Variants in SMYD3 observed in about 807,000 individuals in gnomAD.
SMYD3 encodes SET and MYND domain containing 3.
Under a neutral mutation model 57.7 loss-of-function variants are expected in SMYD3, and 36 were observed. The ratio of observed to expected loss-of-function variants is 0.62; its 90% CI spans 0.48 to 0.82. SMYD3 has a LOEUF of 0.82. Among genes scored for constraint, SMYD3 ranks in the 40% least tolerant of loss-of-function variants. The pLI is 0.00. For synonymous variants in SMYD3, 211 were observed against 195.0 expected, an observed-to-expected ratio of 1.08 and a Z score of -0.68; for missense variants, 515 against 538.8, an observed-to-expected ratio of 0.96 and a Z score of 0.44.
At chr1:246,298,430 T>C (rs2064834470) in intron 5 of SMYD3, among the ~76,000 whole-genome samples, 1 of 152,072 alleles carries the variant, frequency 6.6e-6, no homozygotes, top group South Asian at 2.1e-4. Flanking sequence ...TCAAAGTACA[T>C]GAATGTAAAA....
intron 5 of SMYD3, among the ~76,000 whole-genome samples, chr1:246,313,056 A>G (rs2065104825): frequency 6.6e-6 from 1 of 151,996 alleles, no homozygotes; most frequent in African/African-American, 2.4e-5. Flanking sequence ...CTGGGACCAC[A>G]GGCATGAGCC....
intron 5 of SMYD3, among the ~76,000 whole-genome samples, chr1:246,163,474 C>T (rs940239356): frequency 7.9e-5 from 12 of 152,186 alleles, no homozygotes; most frequent in Non-Finnish European, 1.5e-5. Flanking sequence ...TACCTGCATT[C>T]TTCTGAACTT....
chr1:246,324,916 T>C (rs973227380), intron 5 of SMYD3, among the ~76,000 whole-genome samples: 1 of 148,364 alleles, frequency 6.7e-6, no homozygotes, highest in Non-Finnish European at 1.5e-5. Flanking sequence ...CAGTGACTCA[T>C]CCCTGAAAGC....
intron 9 of SMYD3, among the ~76,000 whole-genome samples, chr1:245,859,576 T>C (rs1468907513): frequency 1.3e-5 from 2 of 152,210 alleles, no homozygotes; most frequent in African/African-American, 2.4e-5. Flanking sequence ...GTGAATTCTC[T>C]GGGAAACACA....
At chr1:246,012,599 A>T (rs1373838085) in intron 5 of SMYD3, among the ~76,000 whole-genome samples, 2 of 152,232 alleles carry the variant, frequency 1.3e-5, no homozygotes, top group Non-Finnish European at 2.9e-5. Flanking sequence ...AAATGCATGC[A>T]GGAAAACATT....
At chr1:245,844,845 CCT>C (rs1218088164) in intron 10 of SMYD3, among the ~76,000 whole-genome samples, 1 of 142,350 alleles carries the variant, frequency 7.0e-6, no homozygotes, top group Non-Finnish European at 1.5e-5. Context: ...AGACAGACTG[CCT>C]CTGTGGTCAA....
At position 246,111,683 on chromosome 1, in the gene SMYD3, G is replaced by A. The variant is rs934015980; in HGVS notation, c.532-181746C>T. Among the ~76,000 whole-genome samples, 7 of 152,128 alleles carry A rather than the reference G, an allele frequency of 4.6e-5. No individual in the cohort carries two copies. In the East Asian group the frequency reaches 5.8e-4, roughly 13 times the overall value. ...CAAAGTCCCCTCAAATAACCAAAAC[G>A]GTGCACATCCCCTTTGCGTCCCACA... is the stretch of plus-strand genomic sequence containing the variant. On this transcript the variant is annotated intron_variant, in intron 5 of 11. Coordinates refer to ENST00000490107, the MANE Select transcript of SMYD3 (RefSeq NM_001167740.2).
chr1:245,751,764 T>G (rs1380703438), intron 11 of SMYD3, among the ~76,000 whole-genome samples: 1 of 152,156 alleles, frequency 6.6e-6, no homozygotes, highest in African/African-American at 2.4e-5. Context: ...GCCCAGAAGG[T>G]GGCTGGAGCT....
At chr1:246,092,435 C>T (rs1036193368) in intron 5 of SMYD3, among the ~76,000 whole-genome samples, 1 of 152,148 alleles carries the variant, frequency 6.6e-6, no homozygotes, top group Middle Eastern at 3.2e-3. Flanking sequence ...TGGAATAGAA[C>T]AGAGAATCCA....
chr1:245,762,536 CCT>C (rs911392582), intron 11 of SMYD3, among the ~76,000 whole-genome samples: 1 of 152,164 alleles, frequency 6.6e-6, no homozygotes, highest in African/African-American at 2.4e-5. Flanking sequence ...GAAAGTTCTC[CCT>C]GAGGCTGCAA....
At chr1:246,261,734 TAGA>T (rs367926790) in intron 5 of SMYD3, among the ~76,000 whole-genome samples, 58 of 152,212 alleles carry the variant, frequency 3.8e-4, no homozygotes, top group African/African-American at 1.3e-3. Context: ...CTCTGTTGCA[TAGA>T]AGGAGAAATA....
intron 8 of SMYD3, among the ~76,000 whole-genome samples, chr1:245,896,436 G>C (rs1191258117): frequency 8.6e-6 from 1 of 116,382 alleles, no homozygotes; most frequent in Non-Finnish European, 1.8e-5. Flanking sequence ...ACCAAAAATA[G>C]AACAGAAATG....
At chr1:245,962,754 C>T (rs1355469716) in intron 5 of SMYD3, among the ~76,000 whole-genome samples, 2 of 132,288 alleles carry the variant, frequency 1.5e-5, no homozygotes, top group African/African-American at 5.0e-5. Context: ...TAGAAACATC[C>T]ATAGAGGAGA....
chr1:245,814,261 T>C (rs1332988892), intron 10 of SMYD3: 1 of 577,190 alleles, frequency 1.7e-6, no homozygotes, highest in African/African-American at 2.0e-5. Flanking sequence ...AGGTAAACAA[T>C]TTAATAATTT....
At chr1:246,452,674 T>C (rs770468779) in intron 1 of SMYD3, among the ~76,000 whole-genome samples, 33 of 152,080 alleles carry the variant, frequency 2.2e-4, no homozygotes, top group African/African-American at 3.6e-4. Context: ...CAAGCAACCA[T>C]ATAAGTAGGT....
At chr1:245,796,802 G>A (rs2047541159) in intron 10 of SMYD3, among the ~76,000 whole-genome samples, 1 of 152,184 alleles carries the variant, frequency 6.6e-6, no homozygotes, top group Admixed American at 6.5e-5. Context: ...CTAGATCACT[G>A]CTCCATTCTA....
intron 5 of SMYD3, among the ~76,000 whole-genome samples, chr1:246,185,765 T>C (rs896149552): frequency 6.6e-6 from 1 of 152,162 alleles, no homozygotes; most frequent in Non-Finnish European, 1.5e-5. Context: ...TGGCTGGTAA[T>C]TCCTTTTCAA....
intron 5 of SMYD3, chr1:246,186,720 A>C: frequency 1.0e-6 from 1 of 983,848 alleles, no homozygotes; most frequent in East Asian, 1.1e-4. Flanking sequence ...ACTTCTCTCA[A>C]AATGATCCCT....
At chr1:246,417,732 G>A (rs2067084362) in intron 1 of SMYD3, among the ~76,000 whole-genome samples, 1 of 152,146 alleles carries the variant, frequency 6.6e-6, no homozygotes, top group African/African-American at 2.4e-5. Flanking sequence ...ACAATGGCTG[G>A]TTATCTCTTC....
Sources: allele counts gnomAD v4.1 joint callset (sites outside exome capture counted in the v4.1 genomes callset), GRCh38; gene constraint gnomAD v4.1.1; transcripts MANE v1.5; gene names NCBI Gene and HGNC (gene_info 2026-07-23, HGNC 2026-07-21).